RANBP2: variants seen among roughly 807,000 people sequenced by gnomAD.
The protein encoded by RANBP2 is E3 SUMO-protein ligase RanBP2.
In RANBP2, 57 loss-of-function variants were observed where a neutral mutation model predicts 303.6. The ratio of observed to expected loss-of-function variants is 0.19; its 90% CI spans 0.15 to 0.23. RANBP2 has a LOEUF of 0.23. Among genes scored for constraint, RANBP2 ranks in the 10% least tolerant of loss-of-function variants. RANBP2 has a pLI of 1.00. For missense variants in RANBP2, 3,138 were observed against 3,780.8 expected (o/e 0.83, Z 4.46); for synonymous variants, 1,167 against 1,301.5 (o/e 0.90, Z 2.23).
chr2:109,078,267 C>CGT, the RANBP2 span, among the ~76,000 whole-genome samples: 3 of 17,568 alleles, frequency 1.7e-4, no homozygotes, highest in African/African-American at 3.3e-4. Flanking sequence ...ATATATAGCG[C>CGT]GTATATATAT....
the RANBP2 span, among the ~76,000 whole-genome samples, chr2:109,730,014 C>T: frequency 3.2e-4 from 48 of 152,238 alleles, no homozygotes; most frequent in African/African-American, 7.5e-4. Flanking sequence ...ATCAGGAGAA[C>T]GGCATGGGGG....
the RANBP2 span, among the ~76,000 whole-genome samples, chr2:109,637,254 C>G: frequency 2.6e-5 from 4 of 152,208 alleles, no homozygotes; most frequent in Non-Finnish European, 5.9e-5. Flanking sequence ...CGCCTCCCAC[C>G]ATAGGGCGGT....
chr2:109,595,205 T>A, the RANBP2 span, among the ~76,000 whole-genome samples: 1 of 152,168 alleles, frequency 6.6e-6, no homozygotes, highest in East Asian at 1.9e-4. Context: ...TTTCAAATCC[T>A]AAGTTTTTCC....
chr2:109,555,140 A>C, the RANBP2 span, among the ~76,000 whole-genome samples: 11 of 152,164 alleles, frequency 7.2e-5, no homozygotes, highest in African/African-American at 2.7e-4. Flanking sequence ...ATTTTCCACC[A>C]AAAACACAGA....
the RANBP2 span, among the ~76,000 whole-genome samples, chr2:109,670,547 G>A: frequency 6.6e-6 from 1 of 152,082 alleles, no homozygotes; most frequent in Non-Finnish European, 1.5e-5. Flanking sequence ...GTGGCGGGTG[G>A]CAGAGGCAGC....
At chr2:108,880,942 A>G in the RANBP2 span, among the ~76,000 whole-genome samples, 1 of 152,348 alleles carries the variant, frequency 6.6e-6, no homozygotes, top group African/African-American at 2.4e-5. Flanking sequence ...TTTATAATTC[A>G]TGAGAGAAGT....
At chr2:108,831,905 G>A in the RANBP2 span, among the ~76,000 whole-genome samples, 1 of 150,666 alleles carries the variant, frequency 6.6e-6, no homozygotes, top group Non-Finnish European at 1.5e-5. Context: ...GCTAATTTTT[G>A]TATATTTAGT....
At chr2:109,619,103 T>C in the RANBP2 span, 3 of 163,418 alleles carry the variant, frequency 1.8e-5, no homozygotes, top group Admixed American at 6.5e-5. Flanking sequence ...CCTTTTCCTA[T>C]CCCTTAAGAT....
chr2:108,985,217 T>A, the RANBP2 span, among the ~76,000 whole-genome samples: 28 of 152,212 alleles, frequency 1.8e-4, no homozygotes, highest in Non-Finnish European at 3.5e-4. Context: ...GTTAACAACA[T>A]CAGCCTTAAG....
the RANBP2 span, among the ~76,000 whole-genome samples, chr2:109,523,985 G>A: frequency 9.9e-5 from 15 of 152,252 alleles, no homozygotes; most frequent in East Asian, 3.9e-4. Flanking sequence ...CATCACAGCC[G>A]CCCACCTGCA....
chr2:109,736,474 T>C, the RANBP2 span, among the ~76,000 whole-genome samples: 7 of 152,182 alleles, frequency 4.6e-5, no homozygotes, highest in African/African-American at 1.7e-4. Context: ...AGAAACACAT[T>C]ACTTACACAT....
At chr2:109,386,386 A>AG in the RANBP2 span, among the ~76,000 whole-genome samples, 9 of 152,066 alleles carry the variant, frequency 5.9e-5, no homozygotes, top group Non-Finnish European at 1.3e-4. Context: ...ACCAAACACC[A>AG]GGGGGCCGCT....
Position 108,767,307 on chromosome 2 carries a change from T to A in RANBP2, c.6768T>A (p.Asn2256Lys). ...TGGCAAGTAGCCCTGTGAGAAAAAA[T>A]CTTTTCCGTTTTGGTGAGTCAACAA... ...SPLASSPVRK[N>K]LFRFGESTTG... is the part of the protein sequence containing the mutation. Residue 2256 changes from asparagine to lysine, a missense_variant, in exon 20 of 29, where the codon AAT becomes AAA. Asn to Lys is a moderately conservative substitution (Grantham distance 94). This residue lies in a region of RANBP2 where 72 missense variants were observed against 86.8 expected (regional missense o/e 0.83). Transcript: ENST00000283195. 1 of 1,612,034 alleles carries A rather than the reference T, an allele frequency of 6.2e-7. No homozygotes were observed.
the RANBP2 span, among the ~76,000 whole-genome samples, chr2:109,011,913 ATG>A: frequency 8.1e-4 from 122 of 151,240 alleles, 1 homozygote; most frequent in East Asian, 3.1e-3. Flanking sequence ...GTATGTGCAT[ATG>A]TGTGTGTGTG....
the RANBP2 span, among the ~76,000 whole-genome samples, chr2:109,743,163 T>C: frequency 6.1e-5 from 9 of 147,496 alleles, no homozygotes; most frequent in Non-Finnish European, 1.0e-4. Flanking sequence ...CTCAGCTACT[T>C]GGGAAGCTGA....
the RANBP2 span, chr2:109,398,910 C>A: frequency 6.2e-7 from 1 of 1,613,396 alleles, no homozygotes; most frequent in Non-Finnish European, 8.5e-7. Flanking sequence ...GGATTGGAGA[C>A]CTTGCTCATC....
the RANBP2 span, among the ~76,000 whole-genome samples, chr2:108,880,964 A>G: frequency 6.6e-6 from 1 of 152,254 alleles, no homozygotes; most frequent in Non-Finnish European, 1.5e-5. Flanking sequence ...CAAAATATCA[A>G]CATTAACAGG....
At chr2:108,833,894 ATTTTT>A in the RANBP2 span, among the ~76,000 whole-genome samples, 18 of 79,222 alleles carry the variant, frequency 2.3e-4, no homozygotes, top group African/African-American at 7.0e-4. Flanking sequence ...CGCCCGGCTA[ATTTTT>A]TTTTTTTTTT....
chr2:109,591,409 C>G, the RANBP2 span, among the ~76,000 whole-genome samples: 2 of 152,240 alleles, frequency 1.3e-5, no homozygotes, highest in South Asian at 4.1e-4. Context: ...AGAAACCAAG[C>G]AACAGCCACT....
Sources: allele counts gnomAD v4.1 joint callset (sites outside exome capture counted in the v4.1 genomes callset), GRCh38; gene constraint gnomAD v4.1.1; regional missense constraint gnomAD v4.1.1; transcripts MANE v1.5; gene names NCBI Gene and HGNC (gene_info 2026-07-23, HGNC 2026-07-21).